The following RALYL variants were observed in gnomAD, a reference collection of about 807,000 sequenced individuals.
RALYL encodes RALY RNA binding protein like.
A neutral mutation model predicts 35.1 loss-of-function variants in RALYL; 29 were observed. The observed-to-expected ratio is 0.83, with a 90% CI of 0.61 to 1.13. The LOEUF (loss-of-function observed/expected upper bound fraction) is 1.13. Ranked by LOEUF, RALYL falls within the 50% of genes most tolerant of loss-of-function variation. The pLI, the probability that RALYL is intolerant of heterozygous loss-of-function variation, is 0.00. For synonymous variants in RALYL, 120 were observed against 127.6 expected (o/e 0.94, Z 0.40); for missense variants, 359 against 360.4 (o/e 1.00, Z 0.03).
intron 2 of RALYL, among the ~76,000 whole-genome samples, chr8:84,739,835 T>C (rs1357848182): frequency 6.6e-6 from 1 of 151,938 alleles, no homozygotes; most frequent in Non-Finnish European, 1.5e-5. Flanking sequence ...CAAACTTTGA[T>C]GTTAAAACTA....
At chr8:84,552,808 T>C (rs2060840116) in intron 2 of RALYL, among the ~76,000 whole-genome samples, 1 of 152,060 alleles carries the variant, frequency 6.6e-6, no homozygotes, top group African/African-American at 2.4e-5. Flanking sequence ...CAGCCTCAAA[T>C]TTAAAATATT....
At chr8:84,769,003 T>A (rs1814776592) in intron 2 of RALYL, among the ~76,000 whole-genome samples, 2 of 152,180 alleles carry the variant, frequency 1.3e-5, no homozygotes, top group Admixed American at 1.3e-4. Flanking sequence ...TGCTACAATA[T>A]TTTGTCAATA....
intron 1 of RALYL, among the ~76,000 whole-genome samples, chr8:84,407,731 T>C (rs1350253771): frequency 6.6e-6 from 1 of 152,142 alleles, no homozygotes; most frequent in Non-Finnish European, 1.5e-5. Context: ...TTAAAATTGG[T>C]TCAGTTTGCA....
intron 1 of RALYL, among the ~76,000 whole-genome samples, chr8:84,495,068 T>C (rs1322907775): frequency 6.6e-6 from 1 of 152,122 alleles, no homozygotes; most frequent in African/African-American, 2.4e-5. Flanking sequence ...TGAGATATGT[T>C]CCATCCATAC....
intron 4 of RALYL, among the ~76,000 whole-genome samples, chr8:84,822,999 C>T (rs1828854903): frequency 6.6e-6 from 1 of 152,110 alleles, no homozygotes; most frequent in Admixed American, 6.6e-5. Flanking sequence ...ACTGCTGCTT[C>T]ATCTCATAGT....
intron 2 of RALYL, among the ~76,000 whole-genome samples, chr8:84,565,180 A>C (rs1053209508): frequency 6.6e-6 from 1 of 151,646 alleles, no homozygotes; most frequent in African/African-American, 2.4e-5. Context: ...TATAAATTAC[A>C]TATGTAGTTA....
chr8:84,320,726 C>T (rs1394102532), intron 1 of RALYL, among the ~76,000 whole-genome samples: 1 of 151,964 alleles, frequency 6.6e-6, no homozygotes, highest in Non-Finnish European at 1.5e-5. Context: ...TCCCCCAATG[C>T]CTTTTTGGGG....
At chr8:84,186,819 T>C (rs980965711) in intron 1 of RALYL, among the ~76,000 whole-genome samples, 4 of 152,178 alleles carry the variant, frequency 2.6e-5, no homozygotes, top group African/African-American at 9.6e-5. Flanking sequence ...ATTCAAATTT[T>C]TCAGATTTCT....
intron 2 of RALYL, among the ~76,000 whole-genome samples, chr8:84,692,624 A>G (rs912737488): frequency 2.6e-5 from 4 of 152,070 alleles, no homozygotes; most frequent in South Asian, 4.1e-4. Flanking sequence ...ATCTATTTCA[A>G]CTATTTCTGG....
intron 1 of RALYL, among the ~76,000 whole-genome samples, chr8:84,425,715 C>T (rs1388669404): frequency 6.6e-6 from 1 of 152,012 alleles, no homozygotes; most frequent in Non-Finnish European, 1.5e-5. Context: ...AGAGACCCTC[C>T]AGAAACATGA....
At chr8:84,299,542 G>T (rs1586064738) in intron 1 of RALYL, among the ~76,000 whole-genome samples, 1 of 151,952 alleles carries the variant, frequency 6.6e-6, no homozygotes. Context: ...AGTAGGAATG[G>T]TACCAGTTCT....
chr8:84,708,988 G>A (rs1841692444), intron 2 of RALYL, among the ~76,000 whole-genome samples: 1 of 152,136 alleles, frequency 6.6e-6, no homozygotes. Context: ...AATTGGAACA[G>A]ATCATGTATT....
intron 2 of RALYL, among the ~76,000 whole-genome samples, chr8:84,690,662 AAAC>A (rs1209264148): frequency 2.0e-5 from 3 of 152,120 alleles, no homozygotes; most frequent in Non-Finnish European, 2.9e-5. Context: ...GAAAATTTAA[AAAC>A]AAAAAAATTT....
At chr8:84,211,994 T>C (rs1819603028) in intron 1 of RALYL, among the ~76,000 whole-genome samples, 1 of 152,046 alleles carries the variant, frequency 6.6e-6, no homozygotes, top group East Asian at 1.9e-4. Flanking sequence ...ATAAGGAAGG[T>C]AAGTCCAAGG....
chr8:84,703,832 T>C (rs1840650290), intron 2 of RALYL, among the ~76,000 whole-genome samples: 1 of 152,178 alleles, frequency 6.6e-6, no homozygotes, highest in South Asian at 2.1e-4. Flanking sequence ...AATCAGCAAA[T>C]AGCTTTTATA....
In RALYL at chr8:84,774,604, A is replaced by G; in HGVS notation, c.282A>G (p.Lys94=). ...PLDINMAGEP[K]PYRPKPGNKR... ...ATATCAACATGGCAGGAGAGCCCAA[A>G]CCATACAGACCAAAACCTGGAAACA... is the stretch of plus-strand genomic sequence containing the variant. Residue 94 remains lysine, a synonymous_variant, in exon 3 of 9, where the codon AAA becomes AAG. Coordinates refer to ENST00000521268, the MANE Select transcript of RALYL (RefSeq NM_173848.7). 6.2e-7 allele frequency: 1 copy of G among 1,608,592 alleles called. No individual in the cohort carries two copies. The highest frequency in any genetic ancestry group is 8.5e-7 in the Non-Finnish European group (1 of 1,177,066).
At chr8:84,677,202 A>G (rs1277671315) in intron 2 of RALYL, among the ~76,000 whole-genome samples, 1 of 152,218 alleles carries the variant, frequency 6.6e-6, no homozygotes, top group Non-Finnish European at 1.5e-5. Flanking sequence ...TCAAAGCTAA[A>G]CTTGTTTTTC....
At position 84,594,786 on chromosome 8, in the gene RALYL, T is replaced by C. The variant is rs1814095653; in HGVS notation, c.256+65209T>C. 2.0e-5 allele frequency among the ~76,000 whole-genome samples: 3 copies of C among 152,102 alleles called. No individual in the cohort carries two copies. The South Asian group carries it at 6.2e-4, about 31-fold the overall frequency. ...CTAGATCTGAATCTTCAAAGAAAAC[T>C]GATTTATTTCATTAATTGGAATATT... On this transcript the variant is annotated intron_variant, in intron 2 of 8. Coordinates refer to ENST00000521268, the MANE Select transcript of RALYL (RefSeq NM_173848.7).
At chr8:84,529,708 T>C (rs1452276070) in intron 2 of RALYL, 131 bp downstream of exon 2, 2 of 676,736 alleles carry the variant, frequency 3.0e-6, no homozygotes, top group African/African-American at 1.8e-5. Flanking sequence ...ATATTTATTA[T>C]TTATATTTTT....
Sources: gnomAD v4.1 joint callset for allele counts (sites outside exome capture counted in the v4.1 genomes callset) on GRCh38, gnomAD v4.1.1 for gene constraint, MANE v1.5 for transcripts, NCBI Gene and HGNC (gene_info 2026-07-23, HGNC 2026-07-21) for gene names.